PCCA: variants seen among roughly 807,000 people sequenced by gnomAD.
The protein encoded by PCCA is propionyl-CoA carboxylase alpha chain, mitochondrial.
Under a neutral mutation model 101.3 loss-of-function variants are expected in PCCA, and 74 were observed. The observed-to-expected ratio is 0.73, with a 90% CI of 0.61 to 0.89. The LOEUF (loss-of-function observed/expected upper bound fraction) is 0.89, where lower values mean the gene tolerates loss of function less well. PCCA is among the 40% of genes least tolerant of loss of function. The pLI is 0.00. For synonymous variants in PCCA, 294 were observed against 313.6 expected, an observed-to-expected ratio of 0.94 and a Z score of 0.66; for missense variants, 891 against 907.0, an observed-to-expected ratio of 0.98 and a Z score of 0.23.
intron 1 of PCCA, among the ~76,000 whole-genome samples, chr13:100,099,148 T>A (rs1006866850): frequency 5.3e-5 from 8 of 152,090 alleles, no homozygotes; most frequent in Non-Finnish European, 1.2e-4. Flanking sequence ...TAATGAGTTA[T>A]TTAGTATTAT....
At chr13:100,529,956 CCGG>C in intron 23 of PCCA, 139 bp from the exon 24 acceptor site, 10 of 675,196 alleles carry the variant, frequency 1.5e-5, no homozygotes, top group Admixed American at 6.6e-5. Flanking sequence ...TCGATGGGCT[CCGG>C]TGGGGTGGGG....
intron 1 of PCCA, among the ~76,000 whole-genome samples, chr13:100,090,977 C>A (rs1018526369): frequency 1.4e-5 from 1 of 71,800 alleles, no homozygotes; most frequent in Non-Finnish European, 2.6e-5. Context: ...GATGAAGTGA[C>A]CTTTTCTAAC....
Position 100,273,204 on chromosome 13 carries a change from T to C in PCCA, c.923T>C (p.Leu308Ser). 1 of 1,613,248 alleles carries C rather than the reference T, an allele frequency of 6.2e-7. No individual in the cohort carries two copies. The highest frequency in any genetic ancestry group is 1.1e-5 in the South Asian group (1 of 91,044). ...KVVEEAPSIF[L>S]DAETRRAMGE... ...TTTTTTTGTATATGTAGCATTTTTT[T>C]GGATGCGGAGACTCGAAGAGCGATG... The change falls in exon 12 of 24, where the codon TTG becomes TCG. Residue 308 changes from leucine to serine, a missense_variant. By Grantham distance (145) the Leu-to-Ser change is moderately radical. Transcript: ENST00000376285.
At chr13:100,210,422 T>C (rs1286182852) in intron 7 of PCCA, among the ~76,000 whole-genome samples, 1 of 152,248 alleles carries the variant, frequency 6.6e-6, no homozygotes, top group Non-Finnish European at 1.5e-5. Flanking sequence ...GGACTGCATT[T>C]AATAGTGGTA....
chr13:100,458,232 C>T (rs1319740043), intron 21 of PCCA, among the ~76,000 whole-genome samples: 1 of 151,358 alleles, frequency 6.6e-6, no homozygotes, highest in Non-Finnish European at 1.5e-5. Flanking sequence ...CCCAGCTACT[C>T]AGGAGGATTG....
chr13:100,310,668 A>G (rs1022656132), intron 16 of PCCA, among the ~76,000 whole-genome samples: 1 of 152,162 alleles, frequency 6.6e-6, no homozygotes, highest in African/African-American at 2.4e-5. Context: ...TTCATGTTTT[A>G]TACTTAAATG....
chr13:100,175,894 T>C (rs2056190858), intron 6 of PCCA, among the ~76,000 whole-genome samples: 1 of 152,218 alleles, frequency 6.6e-6, no homozygotes, highest in Non-Finnish European at 1.5e-5. Flanking sequence ...CCAAATTCTT[T>C]TTTCATGGCA....
intron 4 of PCCA, among the ~76,000 whole-genome samples, chr13:100,138,439 A>G (rs531694606): frequency 6.6e-6 from 1 of 152,282 alleles, no homozygotes; most frequent in Admixed American, 6.5e-5. Context: ...CATGCATTGA[A>G]AACCCCATCA....
At chr13:100,223,207 CA>C (rs1158095495) in intron 7 of PCCA, among the ~76,000 whole-genome samples, 3 of 150,302 alleles carry the variant, frequency 2.0e-5, no homozygotes, top group African/African-American at 7.4e-5. Context: ...ATCCTGCTTT[CA>C]AAGAGCTTAA....
At chr13:100,187,078 C>T (rs1323193337) in intron 6 of PCCA, among the ~76,000 whole-genome samples, 1 of 152,060 alleles carries the variant, frequency 6.6e-6, no homozygotes, top group Non-Finnish European at 1.5e-5. Context: ...GTAGAAAAGT[C>T]CAGGGACTCA....
At chr13:100,379,925 A>T (rs543557695) in intron 19 of PCCA, among the ~76,000 whole-genome samples, 1 of 152,244 alleles carries the variant, frequency 6.6e-6, no homozygotes. Flanking sequence ...GATGCAACAC[A>T]ATTCCTGCCG....
intron 12 of PCCA, among the ~76,000 whole-genome samples, chr13:100,298,703 C>G (rs1595187739): frequency 1.0e-5 from 1 of 96,414 alleles, no homozygotes; most frequent in African/African-American, 4.0e-5. Flanking sequence ...TCCTTCCTTC[C>G]TTCCTTCCTT....
intron 4 of PCCA, chr13:100,149,760 C>T (rs1310428493): frequency 1.3e-5 from 2 of 152,176 alleles, no homozygotes; most frequent in Non-Finnish European, 2.9e-5. Flanking sequence ...TTCAAAATAT[C>T]TCTAGGCATG....
chr13:100,521,121 T>G (rs1449886294), intron 22 of PCCA, among the ~76,000 whole-genome samples: 8 of 152,246 alleles, frequency 5.3e-5, no homozygotes, highest in Non-Finnish European at 1.5e-5. Flanking sequence ...GCTTTGGCTC[T>G]GATTTTGAGC....
chr13:100,458,519 C>T (rs1033484447), intron 21 of PCCA, among the ~76,000 whole-genome samples: 1 of 151,382 alleles, frequency 6.6e-6, no homozygotes, highest in African/African-American at 2.4e-5. Flanking sequence ...CCTATAGACC[C>T]AGGTACTCAG....
At chr13:100,494,831 A>G (rs1305684563) in intron 21 of PCCA, among the ~76,000 whole-genome samples, 2 of 152,050 alleles carry the variant, frequency 1.3e-5, no homozygotes, top group African/African-American at 4.8e-5. Flanking sequence ...TTAAATTGTG[A>G]CATCCCTACT....
intron 1 of PCCA, among the ~76,000 whole-genome samples, chr13:100,094,853 G>A (rs1470503439): frequency 6.6e-6 from 1 of 152,198 alleles, no homozygotes; most frequent in Middle Eastern, 3.2e-3. Context: ...CTCCCAAAGT[G>A]CTGGGATTAC....
intron 8 of PCCA, 51 bp downstream of exon 8, chr13:100,235,929 C>A (rs570739121): frequency 3.5e-6 from 4 of 1,141,814 alleles, no homozygotes; most frequent in Non-Finnish European, 5.3e-6. Flanking sequence ...TCAGCAGATA[C>A]GGTTGAGTCA....
intron 12 of PCCA, among the ~76,000 whole-genome samples, chr13:100,276,213 CAAAAAAAAAAAAAAAAAA>C (rs59671834): frequency 3.9e-5 from 4 of 102,118 alleles, no homozygotes; most frequent in African/African-American, 4.6e-5. Flanking sequence ...TTGTCTGTAC[CAAAAAAAAAAAAAAAAAA>C]AAAAAAAAAA....
Sources: gnomAD v4.1 joint callset for allele counts (sites outside exome capture counted in the v4.1 genomes callset) on GRCh38, gnomAD v4.1.1 for gene constraint, MANE v1.5 for transcripts, NCBI Gene and HGNC (gene_info 2026-07-23, HGNC 2026-07-21) for gene names.